The following PCDHGB4 variants were observed in gnomAD, a reference collection of about 807,000 sequenced individuals.
PCDHGB4 encodes protocadherin gamma-B4.
A neutral mutation model predicts 60.5 loss-of-function variants in PCDHGB4; 38 were observed. The observed-to-expected ratio is 0.63, with a 90% confidence interval of 0.48 to 0.82. The LOEUF (loss-of-function observed/expected upper bound fraction) is 0.82, where lower values mean the gene tolerates loss of function less well. Among genes scored for constraint, PCDHGB4 ranks in the 40% least tolerant of loss-of-function variants. The probability of loss-of-function intolerance (pLI) is 0.00; values close to 1 mark genes in which losing one functional copy is unlikely to be tolerated. For synonymous variants in PCDHGB4, 456 were observed against 509.7 expected, an observed-to-expected ratio of 0.89 and a Z score of 1.42; for missense variants, 1,109 against 1,209.6, an observed-to-expected ratio of 0.92 and a Z score of 1.23.
At chr5:141,459,694 T>A (rs767389870) in intron 1 of PCDHGB4, among the ~76,000 whole-genome samples, 1 of 152,252 alleles carries the variant, frequency 6.6e-6, no homozygotes, top group Non-Finnish European at 1.5e-5. Context: ...AGCGTTCCGC[T>A]TGCTACATTT....
At chr5:141,393,589 C>T (rs1050679940) in intron 1 of PCDHGB4, 2 of 1,613,920 alleles carry the variant, frequency 1.2e-6, no homozygotes, top group Non-Finnish European at 1.7e-6. Flanking sequence ...CCCCCAGGCA[C>T]GCGGCTGCTT....
chr5:141,511,055 A>ATG lies in PCDHGB4; in HGVS notation c.2656_2657dup (p.Tyr887SerfsTer10). 1 of 1,614,218 alleles carries ATG rather than the reference A, an allele frequency of 6.2e-7. No individual in the cohort carries two copies. The highest frequency in any genetic ancestry group is 8.5e-7 in the Non-Finnish European group (1 of 1,180,026). On this transcript the variant is annotated frameshift_variant, in exon 4 of 4. Coordinates refer to ENST00000519479, the MANE Select transcript of PCDHGB4 (RefSeq NM_003736.4). LOFTEE classifies it high-confidence loss of function. Reference sequence around the variant, plus strand: ...CAGCACGTGCCCGACTACCGCCAGAATGTCTACATCCCAGGCAGCAATGCC... The same window carrying ATG: ...CAGCACGTGCCCGACTACCGCCAGAATGTGTCTACATCCCAGGCAGCAATGCC...
intron 1 of PCDHGB4, chr5:141,410,195 G>T (rs769655902): frequency 1.2e-6 from 2 of 1,613,966 alleles, no homozygotes; most frequent in East Asian, 4.5e-5. Context: ...TCTGGTCTTC[G>T]CAGACAACTT....
intron 1 of PCDHGB4, chr5:141,422,764 G>A: frequency 1.2e-6 from 2 of 1,613,582 alleles, no homozygotes; most frequent in Non-Finnish European, 8.5e-7. Flanking sequence ...CTCCAACACT[G>A]GTGTTCTCTA....
intron 1 of PCDHGB4, among the ~76,000 whole-genome samples, chr5:141,462,459 CTG>C (rs2099040203): frequency 6.6e-6 from 1 of 152,010 alleles, no homozygotes; most frequent in African/African-American, 2.4e-5. Flanking sequence ...TAACTGAAAA[CTG>C]TGTATTCTGC....
intron 1 of PCDHGB4, among the ~76,000 whole-genome samples, chr5:141,433,761 T>G (rs2154555909): frequency 6.7e-6 from 1 of 148,664 alleles, no homozygotes; most frequent in Admixed American, 6.8e-5. Context: ...TGCTTTAACC[T>G]GGGAGGTGGA....
rs905837179 is a variant in PCDHGB4 at position 141,478,541 on chromosome 5, G to A, written c.2398-16266G>A. ...GTTGGGTGCAGAGAGCGCCCCTCCCGGACAGGTAAGGTTTAGCAAGTCATG... is the reference window on the plus strand; with the variant it reads ...GTTGGGTGCAGAGAGCGCCCCTCCCAGACAGGTAAGGTTTAGCAAGTCATG... On this transcript the variant is annotated intron_variant, in intron 1 of 3. Coordinates refer to ENST00000519479, the MANE Select transcript of PCDHGB4 (RefSeq NM_003736.4). 4 of 1,605,470 alleles carry A rather than the reference G, an allele frequency of 2.5e-6. No homozygotes were observed. The Admixed American group carries it at 5.2e-5, about 21-fold the overall frequency.
At chr5:141,402,946 G>A (rs1012771364) in intron 1 of PCDHGB4, 1 of 1,592,686 alleles carries the variant, frequency 6.3e-7, no homozygotes, top group African/African-American at 1.4e-5. Flanking sequence ...TCCAAAGCGA[G>A]GCAGCAATGG....
At chr5:141,390,532 T>C (rs1413146925) in intron 1 of PCDHGB4, 1 of 531,632 alleles carries the variant, frequency 1.9e-6, no homozygotes, top group Admixed American at 3.5e-5. Context: ...GGTGTGGTTT[T>C]AACCACAAAG....
At chr5:141,415,040 C>T (rs772941952) in intron 1 of PCDHGB4, 8 of 1,613,520 alleles carry the variant, frequency 5.0e-6, no homozygotes, top group South Asian at 1.1e-5. Context: ...GGACTCTTCG[C>T]GGTGGGGGAG....
In PCDHGB4 at chr5:141,489,459, C is replaced by A; in HGVS notation, c.2398-5348C>A. ...AATTGGGCTCTGAGGAGAATGGGCG[C>A]TATTTTTCCCTGAGCTTGATGAGTG... On this transcript the variant is annotated intron_variant, in intron 1 of 3. Transcript: ENST00000519479. The surrounding 1 kb of genome is among the most constrained non-coding windows in gnomAD (Gnocchi z 4.5). 1 of 1,614,086 alleles carries A rather than the reference C, an allele frequency of 6.2e-7. No individual in the cohort carries two copies. The highest frequency in any genetic ancestry group is 8.5e-7 in the Non-Finnish European group (1 of 1,180,012).
At chr5:141,401,239 G>A (rs1024455506) in intron 1 of PCDHGB4, among the ~76,000 whole-genome samples, 6 of 152,154 alleles carry the variant, frequency 3.9e-5, no homozygotes, top group Admixed American at 6.5e-5. Flanking sequence ...CTACTCAGGA[G>A]GCTAAGACAG....
intron 1 of PCDHGB4, chr5:141,395,403 A>G: frequency 2.4e-6 from 2 of 849,494 alleles, no homozygotes; most frequent in East Asian, 2.8e-5. Flanking sequence ...TCTAATAGTC[A>G]TAGGTTATTG....
At chr5:141,398,387 G>T in intron 1 of PCDHGB4, 2 of 1,455,430 alleles carry the variant, frequency 1.4e-6, no homozygotes, top group Non-Finnish European at 1.9e-6. Context: ...TTGCTTGTGA[G>T]CAGCAGGCTA....
chr5:141,407,471 A>G (rs1343289603), intron 1 of PCDHGB4, among the ~76,000 whole-genome samples: 1 of 146,104 alleles, frequency 6.8e-6, no homozygotes, highest in African/African-American at 2.5e-5. Context: ...AGATGACTGA[A>G]TGGAGTATGG....
chr5:141,441,343 C>T (rs2098240806), intron 1 of PCDHGB4: 1 of 152,368 alleles, frequency 6.6e-6, no homozygotes, highest in African/African-American at 2.4e-5. Flanking sequence ...TAATTAACTA[C>T]ATGCTTGTAA....
chr5:141,424,061 CTGATT>C, intron 1 of PCDHGB4: 1 of 1,003,194 alleles, frequency 1.0e-6, no homozygotes, highest in Non-Finnish European at 1.2e-6. Flanking sequence ...TGTGCCTTCA[CTGATT>C]TGTAGTTATA....
intron 1 of PCDHGB4, chr5:141,399,780 A>C (rs1444494014): frequency 6.2e-7 from 1 of 1,613,170 alleles, no homozygotes; most frequent in Non-Finnish European, 8.5e-7. Flanking sequence ...TGGGCGACCG[A>C]AACGACAACG....
intron 1 of PCDHGB4, chr5:141,408,109 C>T (rs1011504923): frequency 3.5e-6 from 5 of 1,445,662 alleles, no homozygotes; most frequent in Non-Finnish European, 4.6e-6. Flanking sequence ...AGACCCGGGA[C>T]TCCTCCTGTC....
Sources: allele counts gnomAD v4.1 joint callset (sites outside exome capture counted in the v4.1 genomes callset), GRCh38; gene constraint gnomAD v4.1.1; non-coding constraint Gnocchi (gnomAD v3.1); transcripts MANE v1.5; gene names NCBI Gene and HGNC (gene_info 2026-07-23, HGNC 2026-07-21).